VTCN1: variants seen among roughly 807,000 people sequenced by gnomAD.
VTCN1 encodes V-set domain-containing T-cell activation inhibitor 1.
VTCN1 carries 26 observed loss-of-function variants against 26.5 expected under a neutral mutation model. The ratio of observed to expected loss-of-function variants is 0.98; its 90% CI spans 0.72 to 1.36. The LOEUF is 1.36. VTCN1 is among the 40% of genes most tolerant of loss of function. The pLI is 0.00. For synonymous variants in VTCN1, 116 were observed against 130.7 expected, an observed-to-expected ratio of 0.89 and a Z score of 0.77; for missense variants, 298 against 337.7, an observed-to-expected ratio of 0.88 and a Z score of 0.92.
intron 1 of VTCN1, among the ~76,000 whole-genome samples, chr1:117,173,532 C>T (rs1653041851): frequency 6.6e-6 from 1 of 152,188 alleles, no homozygotes; most frequent in African/African-American, 2.4e-5. Context: ...ACATGTCCAT[C>T]CTGGCCTCCA....
In VTCN1 at chr1:117,157,032, A is replaced by G; in HGVS notation, c.98-111T>C. The G allele has an allele frequency of 1.9e-6, 3 of 1,598,462 alleles. No individual in the cohort carries two copies. The South Asian group carries it at 3.3e-5, about 18-fold the overall frequency. On this transcript the variant is annotated intron_variant, in intron 2 of 5. Coordinates refer to ENST00000369458, the MANE Select transcript of VTCN1 (RefSeq NM_024626.4). ...GACTTCTGTGATAAATTAAAAATAC[A>G]GAAGAACATGAGAGGCAATAAGAAG... is the stretch of plus-strand genomic sequence containing the variant.
In VTCN1 at chr1:117,144,530, A is replaced by C. The variant is rs1476962226; in HGVS notation, c.*741T>G. ...AAGGTGAAAGGTCCTTCCCTGGACCATTCACGGATGAACATCATCTGAGAA... is the reference window on the plus strand; with the variant it reads ...AAGGTGAAAGGTCCTTCCCTGGACCCTTCACGGATGAACATCATCTGAGAA... On this transcript the variant is annotated 3_prime_UTR_variant, in exon 6 of 6. Coordinates refer to ENST00000369458, the MANE Select transcript of VTCN1 (RefSeq NM_024626.4). The C allele has an allele frequency of 6.6e-6, 1 of 152,218 alleles. No individual in the cohort carries two copies. The highest frequency in any genetic ancestry group is 1.9e-4 in the East Asian group (1 of 5,194). 9.4% of individuals were successfully genotyped at this position (152,218 alleles called of 1,614,324 possible).
In VTCN1 at chr1:117,210,834, G is replaced by A; in HGVS notation, c.22C>T (p.Leu8Phe). 6.2e-7 allele frequency: 1 copy of A among 1,614,138 alleles called. No individual in the cohort carries two copies. Among genetic ancestry groups the A allele is most frequent in the Non-Finnish European group, 8.5e-7 (1 of 1,179,976 alleles). Residue 8 changes from leucine (L) to phenylalanine (F), a missense_variant, in exon 1 of 6, where the codon CTC becomes TTC. Transcript: ENST00000369458. ...AAGAGTATATACTACCTCCAGAAGA[G>A]GATCTGCCCCAGGGAAGCCATGGCT... MASLGQI[L>F]FWSIISIIII...
At chr1:117,202,317 G>A (rs933344737) in intron 1 of VTCN1, among the ~76,000 whole-genome samples, 1 of 152,162 alleles carries the variant, frequency 6.6e-6, no homozygotes, top group East Asian at 1.9e-4. Context: ...ACCAGCAACC[G>A]GGTATAGAGA....
At chr1:117,208,438 C>T (rs945622403) in intron 1 of VTCN1, among the ~76,000 whole-genome samples, 7 of 152,128 alleles carry the variant, frequency 4.6e-5, no homozygotes, top group African/African-American at 1.7e-4. Context: ...TGTCTGAGGA[C>T]TTAAGGGTGG....
intron 1 of VTCN1, among the ~76,000 whole-genome samples, chr1:117,205,144 T>TTATATATATATA (rs144891643): frequency 2.2e-5 from 3 of 134,750 alleles, no homozygotes; most frequent in Non-Finnish European, 3.1e-5. Context: ...ATATATATTT[T>TTATATATATATA]TATATATATA....
chr1:117,157,005 G>C (rs760362412), intron 2 of VTCN1, 84 bp from the exon 3 acceptor site: 2 of 1,607,088 alleles, frequency 1.2e-6, no homozygotes, highest in Admixed American at 3.3e-5. Context: ...AAGCCAGACA[G>C]AGACTTCTGT....
At chr1:117,197,191 C>T (rs1261254343) in intron 1 of VTCN1, among the ~76,000 whole-genome samples, 3 of 152,158 alleles carry the variant, frequency 2.0e-5, no homozygotes, top group South Asian at 2.1e-4. Context: ...TACTTATTCG[C>T]TAAGCCCATA....
chr1:117,153,435 A>C, intron 3 of VTCN1, 66 bp from the exon 4 acceptor site: 1 of 1,510,430 alleles, frequency 6.6e-7, no homozygotes. Context: ...ATAGCCTTTG[A>C]AGCGCTAGGC....
At position 117,159,922 on chromosome 1, in the gene VTCN1, G is replaced by A. The variant is rs181630168; in HGVS notation, c.98-3001C>T. Among the ~76,000 whole-genome samples the A allele has an allele frequency of 1.3e-5, 2 of 152,302 alleles. No individual in the cohort carries two copies. The highest frequency in any genetic ancestry group is 2.9e-5 in the Non-Finnish European group (2 of 68,022). ...TACCACCAGTAGAAATATTAATTAT[G>A]TGCCAGCTGTATCCAACTGCTTCCT... On this transcript the variant is annotated intron_variant, in intron 2 of 5. Transcript: ENST00000369458. The surrounding 1 kb of genome is among the most constrained non-coding windows in gnomAD (Gnocchi z 4.7).
At chr1:117,186,252 C>T (rs1424009903) in intron 1 of VTCN1, among the ~76,000 whole-genome samples, 1 of 152,148 alleles carries the variant, frequency 6.6e-6, no homozygotes, top group Non-Finnish European at 1.5e-5. Flanking sequence ...GTTGGAGAGA[C>T]AATAAGTAAT....
chr1:117,145,640 A>G lies in VTCN1; in HGVS notation c.*46-415T>C, dbSNP rs1419550606. Among the ~76,000 whole-genome samples the G allele has an allele frequency of 2.0e-5, 3 of 152,056 alleles. No homozygotes were observed. The East Asian group carries it at 5.8e-4, about 29-fold the overall frequency. On this transcript the variant is annotated intron_variant, in intron 5 of 5. Transcript: ENST00000369458. The surrounding 1 kb of genome is among the most constrained non-coding windows in gnomAD (Gnocchi z 4.6). Reference sequence around the variant, plus strand: ...AATGTTCTATTCATTTACTTTTATCATTATTTTTTTGAGACAGGGTCTCAC... The same window carrying G: ...AATGTTCTATTCATTTACTTTTATCGTTATTTTTTTGAGACAGGGTCTCAC...
intron 1 of VTCN1, among the ~76,000 whole-genome samples, chr1:117,208,025 G>A (rs767753256): frequency 5.3e-5 from 8 of 152,156 alleles, no homozygotes; most frequent in Admixed American, 1.3e-4. Flanking sequence ...AGGCTCTGAA[G>A]GCTCAGATTT....
chr1:117,165,410 A>C (rs1385642823), intron 2 of VTCN1, among the ~76,000 whole-genome samples: 2 of 152,178 alleles, frequency 1.3e-5, no homozygotes, highest in Admixed American at 6.6e-5. Flanking sequence ...ATAATCCCCA[A>C]TTATATTATA....
chr1:117,170,631 C>T (rs1652860564), intron 1 of VTCN1, among the ~76,000 whole-genome samples: 1 of 152,154 alleles, frequency 6.6e-6, no homozygotes. Flanking sequence ...GTCACATCTT[C>T]TTCACTTTGT....
At chr1:117,197,914 T>G (rs1192291096) in intron 1 of VTCN1, among the ~76,000 whole-genome samples, 1 of 152,150 alleles carries the variant, frequency 6.6e-6, no homozygotes, top group Non-Finnish European at 1.5e-5. Context: ...TACTTCCATT[T>G]CCATCATGAG....
rs975359737 is a variant in VTCN1 at position 117,183,430 on chromosome 1, C to G, written c.33-13259G>C. ...AACACATTCTTAACTTTTGAGAAAC[C>G]ATTTATGGGAGAAATGATCATTTAT... On this transcript the variant is annotated intron_variant, in intron 1 of 5. Coordinates refer to ENST00000369458, the MANE Select transcript of VTCN1 (RefSeq NM_024626.4). The surrounding 1 kb of genome is among the most constrained non-coding windows in gnomAD (Gnocchi z 4.1). Among the ~76,000 whole-genome samples the G allele has an allele frequency of 5.3e-5, 8 of 152,174 alleles. No homozygotes were observed. The highest frequency in any genetic ancestry group is 1.9e-4 in the African/African-American group (8 of 41,454).
In VTCN1 at chr1:117,153,087, C is replaced by A. The variant is rs1329621648; in HGVS notation, c.724+4G>T. ...AATCCATACAAAAGCATGCAGGAAC[C>A]CACCTGTCACTTTGATATCCCCTGT... On this transcript the variant is annotated splice_donor_region_variant and intron_variant, in intron 4 of 5. Transcript: ENST00000369458. The A allele has an allele frequency of 2.5e-6, 4 of 1,601,070 alleles. No homozygotes were observed. The highest frequency in any genetic ancestry group is 2.6e-6 in the Non-Finnish European group (3 of 1,171,164).
chr1:117,168,824 G>T (rs1256036937), intron 2 of VTCN1, among the ~76,000 whole-genome samples: 3 of 152,230 alleles, frequency 2.0e-5, no homozygotes, highest in East Asian at 1.9e-4. Flanking sequence ...TTGAACCCTG[G>T]CCTTAAGCAG....
Sources: allele counts gnomAD v4.1 joint callset (sites outside exome capture counted in the v4.1 genomes callset), GRCh38; gene constraint gnomAD v4.1.1; non-coding constraint Gnocchi (gnomAD v3.1); transcripts MANE v1.5; gene names NCBI Gene and HGNC (gene_info 2026-07-23, HGNC 2026-07-21).